Variants in SLC35A3 observed in about 807,000 individuals in gnomAD.
The protein encoded by SLC35A3 is UDP-N-acetylglucosamine transporter.
In SLC35A3, 26 loss-of-function variants were observed where a neutral mutation model predicts 39.0. The observed-to-expected ratio is 0.67, with a 90% confidence interval of 0.49 to 0.92. SLC35A3 has a LOEUF of 0.92. Among genes scored for constraint, SLC35A3 ranks in the 40% least tolerant of loss-of-function variants. The pLI is 0.00. For missense variants in SLC35A3, 299 were observed against 371.6 expected, an observed-to-expected ratio of 0.80 and a Z score of 1.61; for synonymous variants, 135 against 133.1, an observed-to-expected ratio of 1.01 and a Z score of -0.10.
rs745545998 is a variant in SLC35A3 at position 99,993,560 on chromosome 1, C to A, written c.6C>A (p.Phe2Leu). The change falls in exon 2 of 8, where the codon TTC (phenylalanine) becomes TTA (leucine). Residue 2 changes from phenylalanine (F) to leucine (L), a missense_variant. Transcript: ENST00000533028. ...AGGCAAATGAAGATAAAACAATGTT[C>A]GCCAACCTAAAATACGTTTCCCTGG... The part of the protein sequence containing the change: M[F>L]ANLKYVSLGI... 6.8e-6 allele frequency: 11 copies of A among 1,613,624 alleles called. No individual in the cohort carries two copies. In the East Asian group the frequency reaches 2.0e-4, roughly 29 times the overall value.
At chr1:100,004,029 G>C (rs891412109) in intron 3 of SLC35A3, among the ~76,000 whole-genome samples, 8 of 152,110 alleles carry the variant, frequency 5.3e-5, no homozygotes, top group South Asian at 4.1e-4. Flanking sequence ...ATTTCTTGTA[G>C]GTAGTGTGTA....
intron 4 of SLC35A3, among the ~76,000 whole-genome samples, chr1:100,010,863 C>T (rs1659582003): frequency 6.6e-6 from 1 of 152,198 alleles, no homozygotes; most frequent in African/African-American, 2.4e-5. Flanking sequence ...CATTTCGTTT[C>T]CAGTGTCTTG....
intron 1 of SLC35A3, among the ~76,000 whole-genome samples, chr1:99,975,565 A>C (rs964586945): frequency 6.6e-6 from 1 of 152,216 alleles, no homozygotes; most frequent in African/African-American, 2.4e-5. Context: ...TGAGTCCTGT[A>C]AGATATATAG....
intron 3 of SLC35A3, among the ~76,000 whole-genome samples, chr1:100,001,750 G>A (rs1658826411): frequency 1.3e-5 from 2 of 151,978 alleles, no homozygotes; most frequent in Admixed American, 6.6e-5. Flanking sequence ...TCCGCATTCA[G>A]TATGATATTA....
chr1:100,015,469 T>C (rs1660031849), intron 6 of SLC35A3, 49 bp downstream of exon 6: 1 of 1,553,568 alleles, frequency 6.4e-7, no homozygotes, highest in Non-Finnish European at 8.7e-7. Flanking sequence ...TGTATTTTAA[T>C]ATAAAGAATC....
chr1:99,976,086 A>T (rs915687579), intron 1 of SLC35A3, among the ~76,000 whole-genome samples: 4 of 152,088 alleles, frequency 2.6e-5, no homozygotes, highest in African/African-American at 9.7e-5. Context: ...AACCCCAAAA[A>T]TAAAAGAGAT....
rs1660725141 is a variant in SLC35A3 at position 100,024,010 on chromosome 1, A to G, written c.*1534A>G. 1.3e-5 allele frequency: 2 copies of G among 151,840 alleles called. No homozygotes were observed. The highest frequency in any genetic ancestry group is 2.9e-5 in the Non-Finnish European group (2 of 67,952). 9.4% of individuals were successfully genotyped at this position (151,840 alleles called of 1,614,324 possible). On this transcript the variant is annotated 3_prime_UTR_variant, in exon 8 of 8. Coordinates refer to ENST00000533028, the MANE Select transcript of SLC35A3 (RefSeq NM_012243.3). ...CGACACAGTGAGAGTCTGTCTCAAA[A>G]AAAAGAAAAAAAAAAAAGCTACTGA...
At position 100,029,952 on chromosome 1, in the gene SLC35A3, A is replaced by C. The variant is rs1336818304; in HGVS notation, c.*7476A>C. ...AAATGCTGGACTATTTTAAACTACA[A>C]ATTTAAAACATGGTTTATAAACCTT... On this transcript the variant is annotated 3_prime_UTR_variant, in exon 8 of 8. Coordinates refer to ENST00000533028, the MANE Select transcript of SLC35A3 (RefSeq NM_012243.3). 2 of 152,124 alleles carry C rather than the reference A, an allele frequency of 1.3e-5. No individual in the cohort carries two copies. The highest frequency in any genetic ancestry group is 6.5e-5 in the Admixed American group (1 of 15,272). 9.4% of individuals were successfully genotyped at this position (152,124 alleles called of 1,614,324 possible).
At chr1:99,977,556 AAGGGAGGAAGGGAGGGAGGAAGGG>A (rs200880166) in intron 1 of SLC35A3, among the ~76,000 whole-genome samples, 1 of 119,224 alleles carries the variant, frequency 8.4e-6, no homozygotes, top group Non-Finnish European at 1.7e-5. Flanking sequence ...AGGAAGGAGG[AAGGGAGGAAGGGAGGGAGGAAGGG>A]AGGGAGGGAG....
Position 100,015,411 on chromosome 1 carries a change from T to C in SLC35A3, c.744T>C (p.Val248=). ...QGYNRLTWIV[V]VLQALGGLVI... is the part of the protein sequence containing the mutation. ...ATAACCGACTGACCTGGATAGTAGT[T>C]GTTCTTCAGGTAAAGCATTTAAAGT... The change falls in exon 6 of 8, where the codon GTT becomes GTC. Residue 248 remains valine, a synonymous_variant. Transcript: ENST00000533028. 1 of 1,605,082 alleles carries C rather than the reference T, an allele frequency of 6.2e-7. No homozygotes were observed. The highest frequency in any genetic ancestry group is 8.5e-7 in the Non-Finnish European group (1 of 1,177,450).
In SLC35A3 at chr1:100,011,418, TG is replaced by T. The variant is rs1659624849; in HGVS notation, c.520del (p.Val174Ter). The T allele has an allele frequency of 1.9e-6, 3 of 1,580,660 alleles. No individual in the cohort carries two copies. The highest frequency in any genetic ancestry group is 2.6e-6 in the Non-Finnish European group (3 of 1,158,916). On this transcript the variant is annotated frameshift_variant, in exon 5 of 8. Coordinates refer to ENST00000533028, the MANE Select transcript of SLC35A3 (RefSeq NM_012243.3). LOFTEE classifies it high-confidence loss of function. The part of the protein sequence containing the change: ...SKELSAGSQF[V>X]GLMAVLTACF... ...AGGAACTTTCAGCTGGTTCTCAATT[TG>T]TAGGACTCATGGCAGTTCTCACAGC...
At chr1:100,018,235 G>C (rs1012273004) in intron 7 of SLC35A3, among the ~76,000 whole-genome samples, 1 of 152,196 alleles carries the variant, frequency 6.6e-6, no homozygotes, top group Non-Finnish European at 1.5e-5. Flanking sequence ...AATCTGGAAA[G>C]GAATTGCAGG....
intron 7 of SLC35A3, 21 bp downstream of exon 7, chr1:100,017,836 T>C: frequency 2.0e-6 from 3 of 1,502,022 alleles, no homozygotes; most frequent in Non-Finnish European, 1.8e-6. Context: ...CTTTTCTATT[T>C]TTTTAAATCC....
At chr1:100,005,689 T>G (rs1011471023) in intron 3 of SLC35A3, among the ~76,000 whole-genome samples, 2 of 152,194 alleles carry the variant, frequency 1.3e-5, no homozygotes, top group African/African-American at 4.8e-5. Flanking sequence ...TGATTTTTGT[T>G]TAGTTCTTTT....
chr1:99,997,040 G>A (rs1284472047), intron 2 of SLC35A3, among the ~76,000 whole-genome samples: 1 of 151,660 alleles, frequency 6.6e-6, no homozygotes, highest in Admixed American at 6.6e-5. Context: ...ATTTTTTTGA[G>A]GAGTTTATGT....
At chr1:100,020,656 G>T (rs1052963121) in intron 7 of SLC35A3, among the ~76,000 whole-genome samples, 1 of 152,180 alleles carries the variant, frequency 6.6e-6, no homozygotes, top group African/African-American at 2.4e-5. Flanking sequence ...CACAGTGAAT[G>T]AAGAGCATAT....
chr1:99,976,736 T>G (rs1002706169), intron 1 of SLC35A3, among the ~76,000 whole-genome samples: 20 of 152,174 alleles, frequency 1.3e-4, no homozygotes, highest in African/African-American at 4.8e-4. Context: ...TGCTCTCAGT[T>G]ATAAGTAGGA....
intron 1 of SLC35A3, among the ~76,000 whole-genome samples, chr1:99,983,173 T>C (rs1403895569): frequency 6.6e-6 from 1 of 152,046 alleles, no homozygotes; most frequent in Non-Finnish European, 1.5e-5. Context: ...TAGAATTGTG[T>C]GTGTGTGGGT....
chr1:99,991,202 G>T (rs1658058821), intron 1 of SLC35A3, among the ~76,000 whole-genome samples: 1 of 152,220 alleles, frequency 6.6e-6, no homozygotes, highest in South Asian at 2.1e-4. Context: ...CTGGAGTGCA[G>T]TGGCGCAATC....
Sources: gnomAD v4.1 joint callset for allele counts (sites outside exome capture counted in the v4.1 genomes callset) on GRCh38, gnomAD v4.1.1 for gene constraint, MANE v1.5 for transcripts, NCBI Gene and HGNC (gene_info 2026-07-23, HGNC 2026-07-21) for gene names.